Variants in CDK14 observed in about 807,000 individuals in gnomAD.
The protein encoded by CDK14 is cyclin dependent kinase 14.
Under a neutral mutation model 60.7 loss-of-function variants are expected in CDK14, and 34 were observed. That is an observed-to-expected ratio of 0.56 (90% CI 0.43 to 0.75). The LOEUF is 0.75. Ranked by LOEUF, CDK14 falls within the 30% of genes least tolerant of loss-of-function variation. The pLI is 0.00. For synonymous variants in CDK14, 197 were observed against 203.7 expected, an observed-to-expected ratio of 0.97 and a Z score of 0.28; for missense variants, 482 against 564.1, an observed-to-expected ratio of 0.85 and a Z score of 1.47.
intron 8 of CDK14, among the ~76,000 whole-genome samples, chr7:90,924,878 C>G (rs973092179): frequency 1.3e-5 from 2 of 151,708 alleles, no homozygotes; most frequent in Admixed American, 6.6e-5. Flanking sequence ...TTTAAAATGT[C>G]CTTTTCACCT....
At chr7:90,868,562 A>AG (rs1791264432) in intron 6 of CDK14, among the ~76,000 whole-genome samples, 1 of 152,130 alleles carries the variant, frequency 6.6e-6, no homozygotes, top group Non-Finnish European at 1.5e-5. Flanking sequence ...ATTGTGCTAT[A>AG]AACTAGTGAA....
intron 10 of CDK14, among the ~76,000 whole-genome samples, chr7:91,007,116 C>A (rs907761634): frequency 6.6e-6 from 1 of 152,070 alleles, no homozygotes; most frequent in Admixed American, 6.6e-5. Context: ...AAATAATGCT[C>A]CAGAACTCTT....
intron 2 of CDK14, among the ~76,000 whole-genome samples, chr7:90,708,466 T>G (rs966887492): frequency 6.6e-6 from 1 of 152,178 alleles, no homozygotes; most frequent in Non-Finnish European, 1.5e-5. Flanking sequence ...CTTTTGACTT[T>G]GTTGAAGATG....
At chr7:90,729,170 C>T (rs1802752542) in intron 3 of CDK14, among the ~76,000 whole-genome samples, 1 of 151,664 alleles carries the variant, frequency 6.6e-6, no homozygotes, top group African/African-American at 2.4e-5. Context: ...GGATAGGGGG[C>T]TGGCCGAGGG....
chr7:90,880,154 A>G (rs1487283403), intron 6 of CDK14, among the ~76,000 whole-genome samples: 1 of 152,250 alleles, frequency 6.6e-6, no homozygotes, highest in Non-Finnish European at 1.5e-5. Flanking sequence ...GAGGGACAGC[A>G]GCCAGCACTG....
chr7:91,181,457 C>G (rs1260129140), intron 14 of CDK14, among the ~76,000 whole-genome samples: 1 of 152,064 alleles, frequency 6.6e-6, no homozygotes, highest in East Asian at 1.9e-4. Context: ...ATGTATATTT[C>G]TGTAGCTGTT....
chr7:91,091,392 CAT>C lies in CDK14; in HGVS notation c.1154+11915_1154+11916del, dbSNP rs962724696. Among the ~76,000 whole-genome samples the C allele has an allele frequency of 2.7e-4, 38 of 139,170 alleles. No homozygotes were observed. The South Asian group carries it at 4.2e-3, about 15-fold the overall frequency. The allele number at this position is 139,170 out of a possible 152,430, so 91.3% of individuals were successfully genotyped here. On this transcript the variant is annotated intron_variant, in intron 12 of 14. Coordinates refer to ENST00000380050, the MANE Select transcript of CDK14 (RefSeq NM_001287135.2). ...TATATACATATATAATTTATATACACATATGTATATAAATTGTATATACATAT... is the reference window on the plus strand; with the variant it reads ...TATATACATATATAATTTATATACACATGTATATAAATTGTATATACATAT...
At chr7:90,734,883 G>T (rs1488354146) in intron 3 of CDK14, among the ~76,000 whole-genome samples, 1 of 152,146 alleles carries the variant, frequency 6.6e-6, no homozygotes, top group African/African-American at 2.4e-5. Context: ...CTTTGGGAGA[G>T]AAGAGGTGTT....
At chr7:90,631,955 A>G (rs916884193) in intron 2 of CDK14, 1 of 152,356 alleles carries the variant, frequency 6.6e-6, no homozygotes, top group African/African-American at 2.4e-5. Flanking sequence ...TCACCCTTCA[A>G]TGCAGAAGAG....
intron 11 of CDK14, among the ~76,000 whole-genome samples, chr7:91,052,056 G>A (rs1797408299): frequency 6.6e-6 from 1 of 152,192 alleles, no homozygotes; most frequent in Admixed American, 6.5e-5. Flanking sequence ...TCAGAGTAAT[G>A]GATGAAGAGT....
intron 6 of CDK14, among the ~76,000 whole-genome samples, chr7:90,889,766 A>G (rs529495972): frequency 1.7e-4 from 26 of 152,332 alleles, no homozygotes; most frequent in Admixed American, 3.9e-4. Context: ...AGGCATTGTA[A>G]TGTGTCAAAT....
intron 4 of CDK14, among the ~76,000 whole-genome samples, chr7:90,753,371 A>G (rs1803924902): frequency 6.6e-6 from 1 of 152,224 alleles, no homozygotes; most frequent in Non-Finnish European, 1.5e-5. Context: ...ACATAACAGA[A>G]TTAAGAACAA....
chr7:90,844,036 A>T (rs1443885683), intron 5 of CDK14, among the ~76,000 whole-genome samples: 2 of 152,290 alleles, frequency 1.3e-5, no homozygotes, highest in East Asian at 1.9e-4. Context: ...GAAATGGATT[A>T]AAAAAATAAA....
At chr7:91,168,731 TAA>T (rs1368616355) in intron 14 of CDK14, among the ~76,000 whole-genome samples, 1 of 152,252 alleles carries the variant, frequency 6.6e-6, no homozygotes, top group Non-Finnish European at 1.5e-5. Context: ...CTCAACATTT[TAA>T]AAGTCTTTTC....
chr7:90,822,744 A>G (rs1392962082), intron 5 of CDK14, among the ~76,000 whole-genome samples: 1 of 152,222 alleles, frequency 6.6e-6, no homozygotes, highest in East Asian at 1.9e-4. Context: ...AAAAGAGCAC[A>G]TAATGATTGT....
At chr7:90,722,310 C>A (rs1802487588) in intron 2 of CDK14, among the ~76,000 whole-genome samples, 1 of 152,116 alleles carries the variant, frequency 6.6e-6, no homozygotes, top group South Asian at 2.1e-4. Flanking sequence ...CTCAAGAGAT[C>A]TGTCCACCTC....
At chr7:90,957,259 C>T (rs1794454497) in intron 9 of CDK14, among the ~76,000 whole-genome samples, 1 of 152,088 alleles carries the variant, frequency 6.6e-6, no homozygotes, top group Non-Finnish European at 1.5e-5. Flanking sequence ...TATTTCTCCA[C>T]ATCCTCTCCA....
intron 5 of CDK14, among the ~76,000 whole-genome samples, chr7:90,832,866 C>T (rs1319939454): frequency 2.0e-5 from 3 of 152,162 alleles, no homozygotes; most frequent in Non-Finnish European, 2.9e-5. Context: ...GTTACAATGC[C>T]TTGAGTAGGT....
At chr7:90,780,262 G>A (rs981272274) in intron 4 of CDK14, among the ~76,000 whole-genome samples, 1 of 152,004 alleles carries the variant, frequency 6.6e-6, no homozygotes, top group Admixed American at 6.6e-5. Flanking sequence ...GAGGTACAGT[G>A]TATATGAAAG....
Sources: gnomAD v4.1 joint callset for allele counts (sites outside exome capture counted in the v4.1 genomes callset) on GRCh38, gnomAD v4.1.1 for gene constraint, MANE v1.5 for transcripts, NCBI Gene and HGNC (gene_info 2026-07-23, HGNC 2026-07-21) for gene names.